SLC10A7: variants seen among roughly 807,000 people sequenced by gnomAD.
SLC10A7 encodes sodium/bile acid cotransporter 7.
A neutral mutation model predicts 43.2 loss-of-function variants in SLC10A7; 29 were observed. The ratio of observed to expected loss-of-function variants is 0.67; its 90% CI spans 0.50 to 0.92. The LOEUF is 0.92. SLC10A7 is among the 40% of genes least tolerant of loss of function. The pLI, the probability that SLC10A7 is intolerant of heterozygous loss-of-function variation, is 0.00. For synonymous variants in SLC10A7, 152 were observed against 144.8 expected (o/e 1.05, Z -0.35); for missense variants, 295 against 403.2 (o/e 0.73, Z 2.30).
At position 146,521,652 on chromosome 4, in the gene SLC10A7, T is replaced by C; in HGVS notation, c.66A>G (p.Gly22=). Residue 22 remains glycine, a synonymous_variant, in exon 1 of 12, where the codon GGA becomes GGG. Transcript: ENST00000335472. ...FMVGIVLAIA[G]AKLEPSIGVN... is the part of the protein sequence containing the mutation. ...CCCCTATGGACGGCTCCAGTTTAGC[T>C]CCAGCGATCGCCAGCACTATTCCGA... is the stretch of plus-strand genomic sequence containing the variant. 2 of 1,614,160 alleles carry C rather than the reference T, an allele frequency of 1.2e-6. No individual in the cohort carries two copies. The highest frequency in any genetic ancestry group is 1.1e-5 in the South Asian group (1 of 91,078).
chr4:146,278,441 T>C (rs1729344483), intron 10 of SLC10A7, among the ~76,000 whole-genome samples: 1 of 152,162 alleles, frequency 6.6e-6, no homozygotes, highest in Non-Finnish European at 1.5e-5. Flanking sequence ...AATGAGATTT[T>C]TAGCCGAAGT....
chr4:146,286,507 T>C (rs1578787812), intron 9 of SLC10A7, among the ~76,000 whole-genome samples: 2 of 149,250 alleles, frequency 1.3e-5, no homozygotes, highest in Non-Finnish European at 3.0e-5. Context: ...TGAGAAGGAC[T>C]GTGTTTGGAG....
intron 1 of SLC10A7, among the ~76,000 whole-genome samples, chr4:146,520,880 G>A (rs1292496395): frequency 6.6e-6 from 1 of 152,110 alleles, no homozygotes; most frequent in Non-Finnish European, 1.5e-5. Flanking sequence ...TCCCACCAGT[G>A]CCCATCATCT....
intron 4 of SLC10A7, among the ~76,000 whole-genome samples, chr4:146,470,190 G>T (rs1056398445): frequency 6.6e-6 from 1 of 152,044 alleles, no homozygotes; most frequent in Non-Finnish European, 1.5e-5. Context: ...TATCTCATGG[G>T]CTTATTGCTT....
chr4:146,519,113 A>ATT (rs1491554654), intron 1 of SLC10A7, among the ~76,000 whole-genome samples: 2 of 99,554 alleles, frequency 2.0e-5, no homozygotes, highest in Non-Finnish European at 4.2e-5. Flanking sequence ...ATATATATAT[A>ATT]ATATAATATA....
chr4:146,514,837 G>A, intron 2 of SLC10A7: 1 of 347,356 alleles, frequency 2.9e-6, no homozygotes. Flanking sequence ...CTTTAGAAGT[G>A]GTTTAATATT....
intron 5 of SLC10A7, among the ~76,000 whole-genome samples, chr4:146,436,569 C>T (rs959787118): frequency 2.6e-5 from 4 of 151,832 alleles, no homozygotes; most frequent in African/African-American, 9.7e-5. Flanking sequence ...TCTTTGATGG[C>T]GTGATTGAGA....
chr4:146,467,190 T>C (rs79744541), intron 4 of SLC10A7, among the ~76,000 whole-genome samples: 3,226 of 152,252 alleles, frequency 0.021, 112 homozygotes, highest in African/African-American at 0.073. Context: ...CCATTCCATC[T>C]TCAGGGTCTG....
chr4:146,447,422 T>C (rs1395472078), intron 4 of SLC10A7, among the ~76,000 whole-genome samples: 1 of 152,146 alleles, frequency 6.6e-6, no homozygotes, highest in Non-Finnish European at 1.5e-5. Context: ...TTTTAAAATA[T>C]AGCAGTTCTT....
intron 6 of SLC10A7, among the ~76,000 whole-genome samples, chr4:146,311,037 G>C (rs1257893333): frequency 1.3e-5 from 2 of 151,996 alleles, no homozygotes; most frequent in East Asian, 3.9e-4. Context: ...CTGGTTTCTC[G>C]ACTCTCCCAA....
chr4:146,347,958 G>T (rs2149737740), intron 5 of SLC10A7, among the ~76,000 whole-genome samples: 1 of 152,212 alleles, frequency 6.6e-6, no homozygotes, highest in South Asian at 2.1e-4. Flanking sequence ...TTTTAAAAAA[G>T]CACTTGAAAC....
At chr4:146,286,047 G>A (rs1425467643) in intron 9 of SLC10A7, among the ~76,000 whole-genome samples, 9 of 146,236 alleles carry the variant, frequency 6.2e-5, no homozygotes, top group African/African-American at 2.0e-4. Flanking sequence ...TGTTTGGAGT[G>A]GTGAAAAGGA....
intron 5 of SLC10A7, among the ~76,000 whole-genome samples, chr4:146,438,087 G>T (rs1288974084): frequency 6.6e-6 from 1 of 151,916 alleles, no homozygotes; most frequent in Non-Finnish European, 1.5e-5. Context: ...CTTGTGTTTG[G>T]GATTTCTTTT....
intron 5 of SLC10A7, among the ~76,000 whole-genome samples, chr4:146,350,139 G>A (rs2149741481): frequency 6.7e-6 from 1 of 149,286 alleles, no homozygotes; most frequent in Admixed American, 6.7e-5. Context: ...TCTCACTAGG[G>A]AGTGCCAGAC....
intron 5 of SLC10A7, among the ~76,000 whole-genome samples, chr4:146,393,342 G>A (rs960426393): frequency 6.6e-6 from 1 of 151,658 alleles, no homozygotes; most frequent in Non-Finnish European, 1.5e-5. Context: ...ATTTACAGAT[G>A]TGAAAATGAG....
In SLC10A7 at chr4:146,521,711, G is replaced by T; in HGVS notation, c.7C>A (p.Leu3Met). The T allele has an allele frequency of 1.2e-6, 2 of 1,613,850 alleles. No individual in the cohort carries two copies. Among genetic ancestry groups the T allele is most frequent in the Non-Finnish European group, 1.7e-6 (2 of 1,179,834 alleles). Residue 3 changes from leucine (L) to methionine (M), a missense_variant, in exon 1 of 12, where the codon CTG becomes ATG. Coordinates refer to ENST00000335472, the MANE Select transcript of SLC10A7 (RefSeq NM_001029998.6). MR[L>M]LERMRKDWFM... Reference sequence around the variant, plus strand: ...CAGTCTTTCCTCATTCTCTCCAGCAGCCTCATATTTGTTAGGGTGGGTGGG... The same window carrying T: ...CAGTCTTTCCTCATTCTCTCCAGCATCCTCATATTTGTTAGGGTGGGTGGG...
rs542501718 is a variant in SLC10A7 at position 146,479,466 on chromosome 4, T to C, written c.396+24383A>G. 2.4e-4 allele frequency among the ~76,000 whole-genome samples: 36 copies of C among 152,318 alleles called. No individual in the cohort carries two copies. The South Asian group carries it at 7.0e-3, about 30-fold the overall frequency. ...GTAATCATAATTCATTTATGATTAA[T>C]TTCCCAAGTAAATACAAAAGAATTG... is the stretch of plus-strand genomic sequence containing the variant. On this transcript the variant is annotated intron_variant, in intron 4 of 11. Transcript: ENST00000335472.
At chr4:146,452,024 A>C (rs963866258) in intron 4 of SLC10A7, among the ~76,000 whole-genome samples, 3 of 152,114 alleles carry the variant, frequency 2.0e-5, no homozygotes, top group African/African-American at 7.2e-5. Flanking sequence ...TCCTTGCTAA[A>C]GCCACTTTTA....
At chr4:146,312,011 T>C (rs1732013985) in intron 6 of SLC10A7, among the ~76,000 whole-genome samples, 1 of 152,198 alleles carries the variant, frequency 6.6e-6, no homozygotes, top group East Asian at 1.9e-4. Context: ...GACTCAAATG[T>C]TAAAAAGACT....
Sources: allele counts gnomAD v4.1 joint callset (sites outside exome capture counted in the v4.1 genomes callset), GRCh38; gene constraint gnomAD v4.1.1; transcripts MANE v1.5; gene names NCBI Gene and HGNC (gene_info 2026-07-23, HGNC 2026-07-21).